The following DLGAP3 variants were observed in gnomAD, a reference collection of about 807,000 sequenced individuals.
The protein encoded by DLGAP3 is disks large-associated protein 3.
A neutral mutation model predicts 81.2 loss-of-function variants in DLGAP3; 17 were observed. That is an observed-to-expected ratio of 0.21 (90% confidence interval 0.14 to 0.31). The LOEUF (loss-of-function observed/expected upper bound fraction) is 0.31. Ranked by LOEUF, DLGAP3 falls within the 10% of genes least tolerant of loss-of-function variation. The pLI, the probability that DLGAP3 is intolerant of heterozygous loss-of-function variation, is 1.00. For missense variants in DLGAP3, 1,124 were observed against 1,388.0 expected (o/e 0.81, Z 3.02); for synonymous variants, 577 against 587.4 (o/e 0.98, Z 0.26).
chr1:34,907,253 G>A (rs890859331), intron 2 of DLGAP3, 102 bp downstream of exon 2: 24 of 152,684 alleles, frequency 1.6e-4, no homozygotes, highest in African/African-American at 5.5e-4. Flanking sequence ...AGGTCACAAA[G>A]CCAGTAAGTG....
At position 34,900,122 on chromosome 1, in the gene DLGAP3, A is replaced by G. The variant is rs762973030; in HGVS notation, c.1259T>C (p.Val420Ala). The part of the protein sequence containing the change: ...DGSPKTSPKA[V>A]ARRFTTRRSS... ...GCGACGGGTGGTGAAGCGTCGGGCG[A>G]CTGCTTTGGGAGATGTCTTGGGGCT... Residue 420 changes from valine to alanine, a missense_variant, in exon 4 of 12, where the codon GTC becomes GCC. Val to Ala is a moderately conservative substitution (Grantham distance 64, BLOSUM62 0). Coordinates refer to ENST00000373347, the MANE Select transcript of DLGAP3 (RefSeq NM_001080418.3). This position sits in a 1 kb window ranked among gnomAD's most constrained non-coding sequence, Gnocchi z 5.6. 1 of 1,613,916 alleles carries G rather than the reference A, an allele frequency of 6.2e-7. No individual in the cohort carries two copies. The highest frequency in any genetic ancestry group is 1.7e-5 in the Admixed American group (1 of 60,020).
At chr1:34,869,480 ATTTTTT>A (rs71029050) in intron 8 of DLGAP3, among the ~76,000 whole-genome samples, 3 of 69,280 alleles carry the variant, frequency 4.3e-5, no homozygotes, top group African/African-American at 1.0e-4. Flanking sequence ...AGATATTTCA[ATTTTTT>A]TTTTTTTTTT....
chr1:34,927,562 G>GT (rs1639893734), intron 1 of DLGAP3, among the ~76,000 whole-genome samples: 1 of 152,184 alleles, frequency 6.6e-6, no homozygotes, highest in Non-Finnish European at 1.5e-5. Flanking sequence ...TGCGGGGGCT[G>GT]TATGTGAGGC....
chr1:34,925,079 G>A (rs1438447656), intron 1 of DLGAP3, among the ~76,000 whole-genome samples: 2 of 152,090 alleles, frequency 1.3e-5, no homozygotes, highest in African/African-American at 4.8e-5. Flanking sequence ...AACCCAGGAT[G>A]CCAGGAAGGA....
intron 8 of DLGAP3, among the ~76,000 whole-genome samples, chr1:34,875,489 C>T (rs549086572): frequency 1.3e-5 from 2 of 151,812 alleles, no homozygotes; most frequent in Admixed American, 6.6e-5. Context: ...GTTTTTGTTT[C>T]TTTATTTTGG....
rs140934303 is a variant in DLGAP3 at position 34,923,438 on chromosome 1, G to A, written c.-135+6013C>T. On this transcript the variant is annotated intron_variant, in intron 1 of 11. Coordinates refer to ENST00000373347, the MANE Select transcript of DLGAP3 (RefSeq NM_001080418.3). Reference sequence around the variant, plus strand: ...GCAAGTATTTTGAAAGCAGAAGCTGGGAAGGGAGCAGGGAGGCAAGCTGCA... The same window carrying A: ...GCAAGTATTTTGAAAGCAGAAGCTGAGAAGGGAGCAGGGAGGCAAGCTGCA... Among the ~76,000 whole-genome samples the A allele has an allele frequency of 3.1e-3, 478 of 152,278 alleles. 2 individuals carry two copies. Among genetic ancestry groups the A allele is most frequent in the African/African-American group, 0.011 (439 of 41,568 alleles).
Position 34,867,083 on chromosome 1 carries a change from G to A in DLGAP3, c.2686C>T (p.Leu896Phe). The change falls in exon 11 of 12, where the codon CTC becomes TTC. Residue 896 changes from leucine (L) to phenylalanine (F), a missense_variant. Leu to Phe is a conservative substitution (Grantham distance 22, BLOSUM62 0). Around this residue, in one of 9 missense-constraint regions of DLGAP3, gnomAD observed 133 missense variants for 171.1 expected, o/e 0.78. Transcript: ENST00000373347. This position sits in a 1 kb window ranked among gnomAD's most constrained non-coding sequence, Gnocchi z 4.3. ...AGGAGTTTCCAGCTGTTGGCCTTGA[G>A]TTGCTGTAGCTCCAGGAACTTGAGG... The part of the protein sequence containing the change: ...VTLKFLELQQ[L>F]KANSWKLLEP... 4 of 1,614,176 alleles carry A rather than the reference G, an allele frequency of 2.5e-6. No individual in the cohort carries two copies. The highest frequency in any genetic ancestry group is 3.4e-6 in the Non-Finnish European group (4 of 1,180,000).
chr1:34,866,144 G>A lies in DLGAP3; in HGVS notation c.2879C>T (p.Ser960Leu). 6.3e-7 allele frequency: 1 copy of A among 1,599,160 alleles called. No homozygotes were observed. Among genetic ancestry groups the A allele is most frequent in the East Asian group, 2.2e-5 (1 of 44,768 alleles). Residue 960 changes from serine (S) to leucine (L), a missense_variant, in exon 12 of 12, where the codon TCG becomes TTG. Physicochemically the swap from Ser to Leu is moderately radical, Grantham distance 145. This residue lies in a region of DLGAP3 where 133 missense variants were observed against 171.1 expected (regional missense o/e 0.78). Coordinates refer to ENST00000373347, the MANE Select transcript of DLGAP3 (RefSeq NM_001080418.3). ...GATGCTGTCGGCGCTCTCGGTGGCC[G>A]AGCTGTGGCGGAAGGAAGCGGCGCG... is the stretch of plus-strand genomic sequence containing the variant. Reference protein sequence around the residue: ...AKRAASFRHSSATESADSIEI... With the variant: ...AKRAASFRHSLATESADSIEI...
chr1:34,908,609 G>C (rs6425925), intron 1 of DLGAP3, among the ~76,000 whole-genome samples: 52,435 of 152,120 alleles, frequency 0.34, 10,522 homozygotes, highest in South Asian at 0.5. Context: ...GGGATGTCAG[G>C]AAGAAGAGCT....
intron 5 of DLGAP3, among the ~76,000 whole-genome samples, chr1:34,891,600 G>A (rs1307854281): frequency 6.6e-6 from 1 of 152,188 alleles, no homozygotes; most frequent in African/African-American, 2.4e-5. Context: ...ATGTGTGCAG[G>A]GGAAATAAAA....
At chr1:34,912,998 C>T (rs1258220123) in intron 1 of DLGAP3, among the ~76,000 whole-genome samples, 2 of 152,136 alleles carry the variant, frequency 1.3e-5, no homozygotes, top group African/African-American at 2.4e-5. Flanking sequence ...GGCTGGTGTC[C>T]TAGTCCCTGG....
Position 34,868,556 on chromosome 1 carries a change from C to A in DLGAP3, c.2485+49G>T. 6.5e-6 allele frequency: 10 copies of A among 1,528,934 alleles called. No individual in the cohort carries two copies. Among genetic ancestry groups the A allele is most frequent in the Non-Finnish European group, 9.0e-6 (10 of 1,106,544 alleles). 94.7% of individuals were successfully genotyped at this position (1,528,934 alleles called of 1,614,324 possible). ...CCCCCATCAGGGTCTCCTGAGCACACACGAGGCCATGGTCCCCAGAGTCCC... is the reference window on the plus strand; with the variant it reads ...CCCCCATCAGGGTCTCCTGAGCACAAACGAGGCCATGGTCCCCAGAGTCCC... On this transcript the variant is annotated intron_variant, in intron 9 of 11. Coordinates refer to ENST00000373347, the MANE Select transcript of DLGAP3 (RefSeq NM_001080418.3). This position sits in a 1 kb window ranked among gnomAD's most constrained non-coding sequence, Gnocchi z 7.5.
At chr1:34,899,562 CCTGAG>C in intron 5 of DLGAP3, 102 bp downstream of exon 5, 3 of 1,016,458 alleles carry the variant, frequency 3.0e-6, no homozygotes, top group Non-Finnish European at 4.7e-6. Context: ...CAGAGCCAGG[CCTGAG>C]CTCTCTCCAC....
At chr1:34,914,834 A>T (rs947358929) in intron 1 of DLGAP3, among the ~76,000 whole-genome samples, 1 of 152,188 alleles carries the variant, frequency 6.6e-6, no homozygotes, top group African/African-American at 2.4e-5. Context: ...TTGGATCGGA[A>T]ATGGGTGGTC....
intron 11 of DLGAP3, 61 bp from the exon 12 acceptor site, chr1:34,866,362 G>T: frequency 7.4e-7 from 1 of 1,353,098 alleles, no homozygotes; most frequent in Non-Finnish European, 9.8e-7. Context: ...CCAGGTGTCC[G>T]CCCCCGCACC....
Position 34,868,521 on chromosome 1 carries a change from G to A in DLGAP3, c.2485+84C>T. Reference sequence around the variant, plus strand: ...CGAAGGGGCCTCCTGTTACACTGCAGCCCCAGCCACCCCCATCAGGGTCTC... The same window carrying A: ...CGAAGGGGCCTCCTGTTACACTGCAACCCCAGCCACCCCCATCAGGGTCTC... On this transcript the variant is annotated intron_variant, in intron 9 of 11. Transcript: ENST00000373347. This position sits in a 1 kb window ranked among gnomAD's most constrained non-coding sequence, Gnocchi z 7.5. 8.2e-7 allele frequency: 1 copy of A among 1,225,456 alleles called. No homozygotes were observed. The highest frequency in any genetic ancestry group is 1.2e-6 in the Non-Finnish European group (1 of 837,668). 75.9% of individuals were successfully genotyped at this position (1,225,456 alleles called of 1,614,324 possible).
rs1431423481 is a variant in DLGAP3 at position 34,902,386 on chromosome 1, G to C, written c.1107+1891C>G. Reference sequence around the variant, plus strand: ...GGATGATGGGAAACAAAGAGATGAGGCTCCATAAAGAAACAGGGGCTCAGA... The same window carrying C: ...GGATGATGGGAAACAAAGAGATGAGCCTCCATAAAGAAACAGGGGCTCAGA... On this transcript the variant is annotated intron_variant, in intron 3 of 11. Coordinates refer to ENST00000373347, the MANE Select transcript of DLGAP3 (RefSeq NM_001080418.3). This position sits in a 1 kb window ranked among gnomAD's most constrained non-coding sequence, Gnocchi z 4.4. 6.6e-6 allele frequency among the ~76,000 whole-genome samples: 1 copy of C among 152,074 alleles called. No homozygotes were observed. The highest frequency in any genetic ancestry group is 1.5e-5 in the Non-Finnish European group (1 of 67,984).
chr1:34,927,818 T>C (rs1488992698), intron 1 of DLGAP3, among the ~76,000 whole-genome samples: 1 of 151,960 alleles, frequency 6.6e-6, no homozygotes, highest in Non-Finnish European at 1.5e-5. Context: ...CACCAGGAAG[T>C]ACCACTCTCT....
Position 34,866,195 on chromosome 1 carries a change from G to T in DLGAP3, c.2828C>A (p.Ala943Glu). The T allele has an allele frequency of 6.3e-7, 1 of 1,590,426 alleles. No homozygotes were observed. Among genetic ancestry groups the T allele is most frequent in the Non-Finnish European group, 8.5e-7 (1 of 1,174,880 alleles). The change falls in exon 12 of 12, where the codon GCG (alanine) becomes GAG (glutamate). Residue 943 changes from alanine to glutamate, a missense_variant. By Grantham distance (107) the Ala-to-Glu change is moderately radical (BLOSUM62 -1). Coordinates refer to ENST00000373347, the MANE Select transcript of DLGAP3 (RefSeq NM_001080418.3). Reference protein sequence around the residue: ...LDSVDRQRQEARKRLLAAKRA... With the variant: ...LDSVDRQRQEERKRLLAAKRA... ...CTTGGCCGCCAGGAGCCGCTTGCGC[G>T]CTTCCTGCCGCTGCCGGTCCACGGA...
Sources: gnomAD v4.1 joint callset for allele counts (sites outside exome capture counted in the v4.1 genomes callset) on GRCh38, gnomAD v4.1.1 for gene constraint, gnomAD v4.1.1 regional missense constraint, Gnocchi (gnomAD v3.1) non-coding constraint, MANE v1.5 for transcripts, NCBI Gene and HGNC (gene_info 2026-07-23, HGNC 2026-07-21) for gene names.